KCNAB1: variants seen among roughly 807,000 people sequenced by gnomAD.
KCNAB1 encodes the protein potassium voltage-gated channel subfamily A regulatory beta subunit 1.
KCNAB1 carries 35 observed loss-of-function variants against 64.6 expected under a neutral mutation model. The ratio of observed to expected loss-of-function variants is 0.54; its 90% CI spans 0.41 to 0.72. The LOEUF is 0.72. Ranked by LOEUF, KCNAB1 falls within the 30% of genes least tolerant of loss-of-function variation. The pLI is 0.00. For synonymous variants in KCNAB1, 177 were observed against 183.8 expected (o/e 0.96, Z 0.30); for missense variants, 401 against 512.9 (o/e 0.78, Z 2.11).
chr3:156,454,820 A>G (rs952399651), intron 3 of KCNAB1, among the ~76,000 whole-genome samples: 6 of 152,186 alleles, frequency 3.9e-5, no homozygotes, highest in South Asian at 4.1e-4. Flanking sequence ...CAGATTGGCC[A>G]AGTAAAGTGC....
chr3:156,487,790 C>T (rs943374686), intron 8 of KCNAB1, among the ~76,000 whole-genome samples: 2 of 151,794 alleles, frequency 1.3e-5, no homozygotes, highest in Non-Finnish European at 2.9e-5. Context: ...ATTAAACAAA[C>T]CCAATAACCA....
chr3:156,476,522 T>TACACACAC (rs10542832), intron 8 of KCNAB1, among the ~76,000 whole-genome samples: 1 of 147,462 alleles, frequency 6.8e-6, no homozygotes, highest in African/African-American at 2.5e-5. Flanking sequence ...TATATATATA[T>TACACACAC]ACACACACAC....
intron 1 of KCNAB1, among the ~76,000 whole-genome samples, chr3:156,158,041 T>G (rs1715827503): frequency 6.6e-6 from 1 of 151,632 alleles, no homozygotes. Context: ...GGCTGGTGCC[T>G]GTAGTCCCAG....
intron 1 of KCNAB1, among the ~76,000 whole-genome samples, chr3:156,200,252 T>G (rs1714238082): frequency 6.6e-6 from 1 of 152,190 alleles, no homozygotes; most frequent in Non-Finnish European, 1.5e-5. Flanking sequence ...GTATGAGGTG[T>G]CTGTTGACAT....
chr3:156,207,018 A>C (rs1576605565), intron 1 of KCNAB1, among the ~76,000 whole-genome samples: 1 of 152,328 alleles, frequency 6.6e-6, no homozygotes, highest in Non-Finnish European at 1.5e-5. Flanking sequence ...GTAAATTTGC[A>C]GCTGTTGAAA....
At chr3:156,259,044 T>C (rs1382936096) in intron 1 of KCNAB1, among the ~76,000 whole-genome samples, 1 of 152,372 alleles carries the variant, frequency 6.6e-6, no homozygotes, top group Middle Eastern at 3.4e-3. Context: ...ACAAATTGAC[T>C]AATTGATCTG....
chr3:156,514,122 A>G (rs1717401169), intron 8 of KCNAB1, among the ~76,000 whole-genome samples: 1 of 152,208 alleles, frequency 6.6e-6, no homozygotes, highest in Non-Finnish European at 1.5e-5. Flanking sequence ...TATATTTTCA[A>G]TATCATTTAG....
At chr3:156,188,629 A>G (rs930344461) in intron 1 of KCNAB1, among the ~76,000 whole-genome samples, 1 of 152,224 alleles carries the variant, frequency 6.6e-6, no homozygotes, top group East Asian at 1.9e-4. Flanking sequence ...CTATGCTTCT[A>G]CTAATTTCAA....
intron 12 of KCNAB1, among the ~76,000 whole-genome samples, chr3:156,526,781 C>T (rs1718336715): frequency 6.6e-6 from 1 of 151,844 alleles, no homozygotes; most frequent in Non-Finnish European, 1.5e-5. Context: ...ATTACTATCT[C>T]CACTTATAAA....
At chr3:156,226,713 A>AAAG (rs995681438) in intron 1 of KCNAB1, among the ~76,000 whole-genome samples, 19 of 151,840 alleles carry the variant, frequency 1.3e-4, no homozygotes, top group African/African-American at 4.6e-4. Flanking sequence ...GAAAAAGAAA[A>AAAG]AAGAAAAGCT....
At chr3:156,119,626 G>T (rs946335207), upstream of KCNAB1, among the ~76,000 whole-genome samples, 1 of 152,186 alleles carries the variant, frequency 6.6e-6, no homozygotes, top group Non-Finnish European at 1.5e-5. Context: ...GACTTAAGTT[G>T]ATTGAGGGGG....
At chr3:156,481,073 A>G (rs1158247504) in intron 8 of KCNAB1, among the ~76,000 whole-genome samples, 6 of 152,106 alleles carry the variant, frequency 3.9e-5, no homozygotes, top group African/African-American at 9.7e-5. Context: ...GGTTGCTGCC[A>G]AACAGCCCCA....
intron 1 of KCNAB1, among the ~76,000 whole-genome samples, chr3:156,340,367 C>T (rs1264910016): frequency 6.6e-6 from 1 of 152,212 alleles, no homozygotes; most frequent in Non-Finnish European, 1.5e-5. Context: ...TCCCACTACA[C>T]CTCTCTTCGA....
At chr3:156,376,337 G>C (rs1711658682) in intron 1 of KCNAB1, among the ~76,000 whole-genome samples, 1 of 152,188 alleles carries the variant, frequency 6.6e-6, no homozygotes, top group African/African-American at 2.4e-5. Flanking sequence ...ATGGTGAGAG[G>C]AGGGAGAGGA....
intron 1 of KCNAB1, among the ~76,000 whole-genome samples, chr3:156,391,012 T>C (rs576058990): frequency 4.9e-4 from 74 of 152,296 alleles, no homozygotes; most frequent in African/African-American, 1.8e-3. Flanking sequence ...AACTCCAGTT[T>C]AGACGTATGG....
At chr3:156,398,711 C>G (rs904763387) in intron 1 of KCNAB1, among the ~76,000 whole-genome samples, 2 of 151,380 alleles carry the variant, frequency 1.3e-5, no homozygotes, top group African/African-American at 4.9e-5. Context: ...ACATGTATCC[C>G]AGAACTTAAA....
rs552793514 is a variant in KCNAB1 at position 156,199,501 on chromosome 3, G to C, written c.275+78615G>C. Among the ~76,000 whole-genome samples the C allele has an allele frequency of 1.2e-3, 188 of 152,214 alleles. 1 individual carries two copies. Among genetic ancestry groups the C allele is most frequent in the Non-Finnish European group, 2.2e-3 (150 of 68,012 alleles). ...TTCACATAGTCCTATATTTCTTGGA[G>C]GCTTTGTTCATTCCTTTTCATTCTT... On this transcript the variant is annotated intron_variant, in intron 1 of 13. Transcript: ENST00000490337.
chr3:156,118,290 GCTACTGATCAGAGCA>G, upstream of KCNAB1: 1 of 454,470 alleles, frequency 2.2e-6, no homozygotes, highest in Middle Eastern at 3.3e-4. Context: ...CTCAGCTGGG[GCTACTGATCAGAGCA>G]CCTGCATGTG....
intron 1 of KCNAB1, chr3:156,382,044 CTAGGTACAA>C (rs1712199346): frequency 1.3e-5 from 2 of 152,110 alleles, no homozygotes; most frequent in African/African-American, 4.8e-5. Context: ...CTGTGTGGCC[CTAGGTACAA>C]TAGGGCCACA....
Sources: allele counts gnomAD v4.1 joint callset (sites outside exome capture counted in the v4.1 genomes callset), GRCh38; gene constraint gnomAD v4.1.1; transcripts MANE v1.5; gene names NCBI Gene and HGNC (gene_info 2026-07-23, HGNC 2026-07-21).